SLC14A2: variants seen among roughly 807,000 people sequenced by gnomAD.
SLC14A2 encodes urea transporter 2.
A neutral mutation model predicts 104.6 loss-of-function variants in SLC14A2; 91 were observed. The observed-to-expected ratio is 0.87, with a 90% CI of 0.73 to 1.04. The LOEUF (loss-of-function observed/expected upper bound fraction) is 1.04. Among genes scored for constraint, SLC14A2 ranks in the 50% least tolerant of loss-of-function variants. SLC14A2 has a pLI of 0.00. For synonymous variants in SLC14A2, 476 were observed against 466.4 expected (o/e 1.02, Z -0.27); for missense variants, 1,189 against 1,156.0 (o/e 1.03, Z -0.41).
intron 1 of SLC14A2, among the ~76,000 whole-genome samples, chr18:45,287,731 G>C (rs7240268): frequency 0.19 from 29,091 of 152,034 alleles, 4,336 homozygotes; most frequent in African/African-American, 0.41. Flanking sequence ...CCTTTGGATC[G>C]CTGCCCGGGC....
intron 1 of SLC14A2, among the ~76,000 whole-genome samples, chr18:45,475,337 T>C (rs1194227525): frequency 6.6e-6 from 1 of 152,078 alleles, no homozygotes; most frequent in Non-Finnish European, 1.5e-5. Flanking sequence ...TTGAGAAGAA[T>C]GTATATTCTG....
intron 1 of SLC14A2, among the ~76,000 whole-genome samples, chr18:45,303,207 G>A (rs569717887): frequency 2.6e-5 from 4 of 152,128 alleles, no homozygotes; most frequent in African/African-American, 4.8e-5. Context: ...TACAGAAATC[G>A]ACAGTGAGGT....
At chr18:45,300,277 A>G (rs12456097) in intron 1 of SLC14A2, among the ~76,000 whole-genome samples, 57,717 of 151,942 alleles carry the variant, frequency 0.38, 11,612 homozygotes, top group African/African-American at 0.53. Flanking sequence ...AACAGGACTA[A>G]TGAGTTAGGG....
intron 1 of SLC14A2, among the ~76,000 whole-genome samples, chr18:45,405,016 C>G (rs908962917): frequency 6.6e-6 from 1 of 152,162 alleles, no homozygotes; most frequent in African/African-American, 2.4e-5. Flanking sequence ...TTCTAGGGCT[C>G]TCCAGCATGT....
chr18:45,555,735 G>C (rs532193828), intron 2 of SLC14A2, among the ~76,000 whole-genome samples: 1 of 152,280 alleles, frequency 6.6e-6, no homozygotes, highest in South Asian at 2.1e-4. Context: ...TCTCCATTTG[G>C]CTGCTTAATG....
chr18:45,671,334 T>C (rs1345975721), intron 16 of SLC14A2, among the ~76,000 whole-genome samples: 1 of 152,204 alleles, frequency 6.6e-6, no homozygotes, highest in Non-Finnish European at 1.5e-5. Flanking sequence ...CATTATTCTT[T>C]AAGAAGTAAC....
intron 2 of SLC14A2, among the ~76,000 whole-genome samples, chr18:45,523,401 C>T (rs866873546): frequency 6.6e-6 from 1 of 151,892 alleles, no homozygotes; most frequent in Admixed American, 6.6e-5. Context: ...GCAATCTCGG[C>T]TCACTGCAAC....
chr18:45,196,728 C>T, the SLC14A2 span, among the ~76,000 whole-genome samples: 1 of 152,194 alleles, frequency 6.6e-6, no homozygotes, highest in East Asian at 1.9e-4. Context: ...AGCAATCAAT[C>T]AATACAGAGT....
chr18:45,540,506 G>A (rs1309464744), intron 2 of SLC14A2, among the ~76,000 whole-genome samples: 1 of 152,108 alleles, frequency 6.6e-6, no homozygotes, highest in Non-Finnish European at 1.5e-5. Context: ...ACTTTGGGAG[G>A]CCAAGACGGG....
At chr18:45,276,504 TAGC>T (rs2144131529) in intron 1 of SLC14A2, among the ~76,000 whole-genome samples, 1 of 152,254 alleles carries the variant, frequency 6.6e-6, no homozygotes, top group South Asian at 2.1e-4. Flanking sequence ...CTACAGATAA[TAGC>T]AGTCAGAAAT....
rs200386593 is a variant in SLC14A2, at chr18:45,645,612, A to AATATATATATATATACATATATATATAT, written c.1351+1463_1351+1464insTATACATATATATATATATATATATATA. On this transcript the variant is annotated intron_variant, in intron 10 of 19. Coordinates refer to ENST00000255226, the MANE Select transcript of SLC14A2 (RefSeq NM_007163.4). ...CAATAGCTTTCATTTGGTCTTTTTAAATATATATATACATATACAAAGATA... is the reference window on the plus strand; with the variant it reads ...CAATAGCTTTCATTTGGTCTTTTTAAATATATATATATATACATATATATATATATATATATATACATATACAAAGATA... Among the ~76,000 whole-genome samples the AATATATATATATATACATATATATATAT allele has an allele frequency of 1.8e-4, 5 of 28,210 alleles. 1 individual carries two copies. The highest frequency in any genetic ancestry group is 3.4e-4 in the Admixed American group (1 of 2,904). 18.5% of individuals were successfully genotyped at this position (28,210 alleles called of 152,430 possible).
At chr18:45,411,964 C>CTT (rs1197677481) in intron 1 of SLC14A2, among the ~76,000 whole-genome samples, 5 of 152,198 alleles carry the variant, frequency 3.3e-5, no homozygotes, top group African/African-American at 9.7e-5. Flanking sequence ...AACACATGCA[C>CTT]TCCCAACCAA....
the SLC14A2 span, among the ~76,000 whole-genome samples, chr18:45,205,891 G>C: frequency 6.6e-6 from 1 of 152,150 alleles, no homozygotes; most frequent in African/African-American, 2.4e-5. Context: ...TAGTGCAGGA[G>C]GACAGCAGCA....
chr18:45,460,074 G>T (rs1182161668), intron 1 of SLC14A2, among the ~76,000 whole-genome samples: 1 of 152,164 alleles, frequency 6.6e-6, no homozygotes, highest in Admixed American at 6.5e-5. Context: ...TGCTCTCTAA[G>T]ATAGAGCCAT....
chr18:45,212,086 G>A (rs564775506), upstream of SLC14A2, among the ~76,000 whole-genome samples: 2 of 152,182 alleles, frequency 1.3e-5, no homozygotes, highest in East Asian at 1.9e-4. Flanking sequence ...CTGTGATAGG[G>A]TTATTTAATA....
At chr18:45,349,979 T>G (rs896418374) in intron 1 of SLC14A2, among the ~76,000 whole-genome samples, 2 of 152,212 alleles carry the variant, frequency 1.3e-5, no homozygotes, top group African/African-American at 4.8e-5. Flanking sequence ...TATTATCAAC[T>G]TTTTATTGAG....
chr18:45,345,379 C>G (rs1245207662), intron 1 of SLC14A2, among the ~76,000 whole-genome samples: 1 of 152,166 alleles, frequency 6.6e-6, no homozygotes, highest in African/African-American at 2.4e-5. Flanking sequence ...GGCAGAGTCC[C>G]TTTCCTCTAA....
intron 1 of SLC14A2, among the ~76,000 whole-genome samples, chr18:45,422,939 C>G (rs906642617): frequency 1.3e-5 from 2 of 152,174 alleles, no homozygotes; most frequent in African/African-American, 4.8e-5. Flanking sequence ...ATTTCTGCTT[C>G]TTTTTGCTGT....
At chr18:45,552,599 G>A (rs2044071738) in intron 2 of SLC14A2, among the ~76,000 whole-genome samples, 1 of 152,226 alleles carries the variant, frequency 6.6e-6, no homozygotes, top group Non-Finnish European at 1.5e-5. Flanking sequence ...ATGAAGTTAT[G>A]TGGTGCTGGG....
Sources: gnomAD v4.1 joint callset for allele counts (sites outside exome capture counted in the v4.1 genomes callset) on GRCh38, gnomAD v4.1.1 for gene constraint, MANE v1.5 for transcripts, NCBI Gene and HGNC (gene_info 2026-07-23, HGNC 2026-07-21) for gene names.